USP7: variants seen among roughly 807,000 people sequenced by gnomAD.
USP7 encodes ubiquitin C-terminal hydrolase 7.
USP7 carries 9 observed loss-of-function variants against 162.9 expected under a neutral mutation model. The ratio of observed to expected loss-of-function variants is 0.06; its 90% CI spans 0.03 to 0.10. The LOEUF (loss-of-function observed/expected upper bound fraction) is 0.10, where lower values mean the gene tolerates loss of function less well. Ranked by LOEUF, USP7 falls within the 10% of genes least tolerant of loss-of-function variation. The pLI is 1.00. For synonymous variants in USP7, 562 were observed against 475.9 expected (o/e 1.18, Z -2.35); for missense variants, 715 against 1,373.7 (o/e 0.52, Z 7.58).
intron 1 of USP7, among the ~76,000 whole-genome samples, chr16:8,960,211 G>C (rs1899958134): frequency 6.6e-6 from 1 of 152,138 alleles, no homozygotes; most frequent in African/African-American, 2.4e-5. Flanking sequence ...AGCTCTATCT[G>C]CCTTCCAACT....
intron 1 of USP7, among the ~76,000 whole-genome samples, chr16:8,933,729 C>T (rs938617478): frequency 3.5e-4 from 53 of 151,838 alleles, no homozygotes; most frequent in African/African-American, 1.2e-3. Flanking sequence ...GGATTACAGG[C>T]ATGTGCCACC....
intron 1 of USP7, chr16:8,962,990 A>AC (rs1900081185): frequency 3.9e-6 from 1 of 255,902 alleles, no homozygotes; most frequent in Non-Finnish European, 7.2e-6. Context: ...CGAGGTCGGG[A>AC]CAATGCACGG....
In USP7 at chr16:8,900,047, C is replaced by T. The variant is rs1430016149; in HGVS notation, c.2310-290G>A. 1.1e-4 allele frequency: 52 copies of T among 480,004 alleles called. No homozygotes were observed. In the South Asian group the frequency reaches 1.2e-3, roughly 11 times the overall value. 29.7% of individuals were successfully genotyped at this position (480,004 alleles called of 1,614,324 possible). A position where few individuals can be genotyped will look rare whatever the true frequency, so the allele number is the denominator to read the frequency against. Reference sequence around the variant, plus strand: ...ACCTGCTCTCCTCTACAGGAGCAGACCCAGACGCAGTGTCTTGCCCACAGA... The same window carrying T: ...ACCTGCTCTCCTCTACAGGAGCAGATCCAGACGCAGTGTCTTGCCCACAGA... On this transcript the variant is annotated intron_variant, in intron 21 of 30. Coordinates refer to ENST00000344836, the MANE Select transcript of USP7 (RefSeq NM_003470.3).
chr16:8,925,951 G>A (rs1387416068), intron 2 of USP7, among the ~76,000 whole-genome samples: 7 of 150,472 alleles, frequency 4.7e-5, no homozygotes, highest in Non-Finnish European at 8.9e-5. Flanking sequence ...TCAGGAGATC[G>A]AGACCATCCT....
Position 8,895,712 on chromosome 16 carries a change from A to G in USP7, c.2849T>C (p.Ile950Thr), listed in dbSNP as rs752636299. ...RLLEIVSYKIIGVHQEDELLE... is the reference protein window; with the variant it reads ...RLLEIVSYKITGVHQEDELLE... ...TAGTTCATCTTCTTGATGAACACCA[A>G]TGATTTTGTAGCTTACAATTTCTAG... Residue 950 changes from isoleucine (I) to threonine (T), a missense_variant, in exon 27 of 31, where the codon ATT (isoleucine) becomes ACT (threonine). Physicochemically the swap from Ile to Thr is moderately conservative, Grantham distance 89 (BLOSUM62 -1). Coordinates refer to ENST00000344836, the MANE Select transcript of USP7 (RefSeq NM_003470.3). The G allele has an allele frequency of 1.2e-6, 2 of 1,613,086 alleles. No homozygotes were observed. Among genetic ancestry groups the G allele is most frequent in the African/African-American group, 1.3e-5 (1 of 74,872 alleles).
chr16:8,938,435 G>C (rs931338841), intron 1 of USP7, among the ~76,000 whole-genome samples: 1 of 152,052 alleles, frequency 6.6e-6, no homozygotes, highest in Non-Finnish European at 1.5e-5. Flanking sequence ...TCAGGGGGCC[G>C]GGCACGGTGG....
At chr16:8,959,682 A>C (rs1899934492) in intron 1 of USP7, among the ~76,000 whole-genome samples, 1 of 152,252 alleles carries the variant, frequency 6.6e-6, no homozygotes, top group Non-Finnish European at 1.5e-5. Context: ...TATTTGAAAG[A>C]ATCTTCTATT....
intron 18 of USP7, 135 bp downstream of exon 18, chr16:8,901,947 C>A: frequency 2.7e-6 from 2 of 749,034 alleles, no homozygotes; most frequent in Non-Finnish European, 2.2e-6. Flanking sequence ...ATCAGGAAGT[C>A]TAGTGAGCTT....
chr16:8,956,046 GCA>G (rs1446513188), intron 1 of USP7, among the ~76,000 whole-genome samples: 1 of 152,146 alleles, frequency 6.6e-6, no homozygotes, highest in Non-Finnish European at 1.5e-5. Context: ...AACTCACACA[GCA>G]CACTTTCCAA....
At chr16:8,957,464 C>T (rs1206222111) in intron 1 of USP7, among the ~76,000 whole-genome samples, 3 of 151,300 alleles carry the variant, frequency 2.0e-5, no homozygotes, top group African/African-American at 7.3e-5. Context: ...CATAAACGGG[C>T]TGGGTGAGGT....
At chr16:8,943,280 AG>A (rs1453787373) in intron 1 of USP7, among the ~76,000 whole-genome samples, 1 of 152,098 alleles carries the variant, frequency 6.6e-6, no homozygotes, top group Non-Finnish European at 1.5e-5. Context: ...TTGTGCACTG[AG>A]AGGGGTTTAA....
intron 2 of USP7, among the ~76,000 whole-genome samples, chr16:8,927,109 G>C (rs1346682145): frequency 6.6e-6 from 1 of 152,164 alleles, no homozygotes; most frequent in South Asian, 2.1e-4. Flanking sequence ...CATGAGGTCA[G>C]GAGTGCGAGA....
intron 11 of USP7, among the ~76,000 whole-genome samples, chr16:8,909,637 G>C (rs1224084489): frequency 6.6e-6 from 1 of 152,186 alleles, no homozygotes; most frequent in Non-Finnish European, 1.5e-5. Context: ...TCATTAAAAA[G>C]CAACTTTCTG....
chr16:8,930,566 T>TAA (rs1898262292), intron 1 of USP7, among the ~76,000 whole-genome samples, 169 bp from the exon 2 acceptor site: 2 of 152,244 alleles, frequency 1.3e-5, no homozygotes, highest in African/African-American at 4.8e-5. Context: ...GTTTACTACA[T>TAA]ACAAACTTTC....
Position 8,904,506 on chromosome 16 carries a change from G to C in USP7, c.1633C>G (p.Gln545Glu). The C allele has an allele frequency of 6.2e-7, 1 of 1,614,138 alleles. No individual in the cohort carries two copies. Among genetic ancestry groups the C allele is most frequent in the Non-Finnish European group, 8.5e-7 (1 of 1,180,026 alleles). The change falls in exon 15 of 31, where the codon CAA becomes GAA. Residue 545 changes from glutamine (Q) to glutamate (E), a missense_variant. Physicochemically the swap from Gln to Glu is conservative, Grantham distance 29 (BLOSUM62 2). Transcript: ENST00000344836. ...DIPQQLVERL[Q>E]EEKRIEAQKR... ...TGAGCCTCGATCCTTTTCTCTTCTT[G>C]TAATCGCTCCACCAACTGCTGAGGA...
chr16:8,913,984 C>T (rs578095927), intron 10 of USP7, among the ~76,000 whole-genome samples: 6 of 152,046 alleles, frequency 3.9e-5, no homozygotes, highest in African/African-American at 1.5e-4. Context: ...GCAATCCTCC[C>T]GACTCAGCCT....
intron 4 of USP7, 79 bp downstream of exon 4, chr16:8,921,078 G>A (rs1897667538): frequency 1.1e-5 from 16 of 1,470,076 alleles, no homozygotes; most frequent in Non-Finnish European, 1.5e-5. Context: ...AATCAATAAA[G>A]GACTTGAAAA....
At chr16:8,903,461 A>G in intron 15 of USP7, 59 bp from the exon 16 acceptor site, 2 of 1,566,170 alleles carry the variant, frequency 1.3e-6, no homozygotes, top group East Asian at 2.3e-5. Flanking sequence ...ATGAGTCCAC[A>G]CTGAACACAT....
intron 1 of USP7, among the ~76,000 whole-genome samples, chr16:8,959,718 T>A (rs1392506970): frequency 6.6e-6 from 1 of 152,234 alleles, no homozygotes; most frequent in Non-Finnish European, 1.5e-5. Flanking sequence ...AGCACAAGTT[T>A]ATCTGGCTGG....
Sources: gnomAD v4.1 joint callset for allele counts (sites outside exome capture counted in the v4.1 genomes callset) on GRCh38, gnomAD v4.1.1 for gene constraint, MANE v1.5 for transcripts, NCBI Gene and HGNC (gene_info 2026-07-23, HGNC 2026-07-21) for gene names.